FCHSD2: variants seen among roughly 807,000 people sequenced by gnomAD.
The protein encoded by FCHSD2 is F-BAR and double SH3 domains protein 2.
In FCHSD2, 38 loss-of-function variants were observed where a neutral mutation model predicts 108.1. The ratio of observed to expected loss-of-function variants is 0.35; its 90% CI spans 0.27 to 0.46. The LOEUF is 0.46. Among genes scored for constraint, FCHSD2 ranks in the 20% least tolerant of loss-of-function variants. FCHSD2 has a pLI of 1.00. For missense variants in FCHSD2, 751 were observed against 897.8 expected (o/e 0.84, Z 2.09); for synonymous variants, 279 against 314.7 (o/e 0.89, Z 1.20).
In FCHSD2 at chr11:73,068,776, C is replaced by T. The variant is rs1001275517; in HGVS notation, c.165+14919G>A. ...CTTGAGCCCAGGAGTTCAAAACCAG[C>T]CTGGGCAACATAGTGAGACCTCATC... On this transcript the variant is annotated intron_variant, in intron 3 of 19. Coordinates refer to ENST00000409418, the MANE Select transcript of FCHSD2 (RefSeq NM_014824.3). Among the ~76,000 whole-genome samples the T allele has an allele frequency of 2.2e-4, 31 of 142,724 alleles. 1 individual carries two copies. The highest frequency in any genetic ancestry group is 7.5e-4 in the African/African-American group (29 of 38,546). 93.6% of individuals were successfully genotyped at this position (142,724 alleles called of 152,430 possible).
intron 13 of FCHSD2, among the ~76,000 whole-genome samples, chr11:72,852,986 C>A (rs1258466026): frequency 6.6e-6 from 1 of 152,064 alleles, no homozygotes; most frequent in Non-Finnish European, 1.5e-5. Context: ...CTGGGGCCTA[C>A]TTGAAGGCAG....
intron 12 of FCHSD2, among the ~76,000 whole-genome samples, chr11:72,870,161 C>A (rs1003557976): frequency 6.6e-6 from 1 of 152,132 alleles, no homozygotes; most frequent in African/African-American, 2.4e-5. Flanking sequence ...TCAAATATTA[C>A]CCTTTCCACA....
intron 8 of FCHSD2, among the ~76,000 whole-genome samples, chr11:72,964,243 A>G (rs1272314926): frequency 6.6e-6 from 1 of 152,242 alleles, no homozygotes; most frequent in East Asian, 1.9e-4. Context: ...ATGTACAGGA[A>G]AATGAACAAC....
chr11:72,906,228 T>C (rs1018517706), intron 9 of FCHSD2, among the ~76,000 whole-genome samples: 9 of 152,252 alleles, frequency 5.9e-5, no homozygotes, highest in African/African-American at 2.2e-4. Flanking sequence ...AAATGTCTTC[T>C]TTTGAGAAGT....
intron 2 of FCHSD2, among the ~76,000 whole-genome samples, chr11:73,125,934 C>T (rs532816971): frequency 1.9e-4 from 29 of 152,220 alleles, no homozygotes; most frequent in African/African-American, 6.3e-4. Flanking sequence ...CATTTCACAA[C>T]AGAAACAATG....
At chr11:73,036,351 T>G (rs1273719317) in intron 3 of FCHSD2, among the ~76,000 whole-genome samples, 1 of 151,880 alleles carries the variant, frequency 6.6e-6, no homozygotes. Context: ...AGCTTCATAA[T>G]CACTATTTTG....
At chr11:73,015,733 T>G (rs1038623004) in intron 4 of FCHSD2, 76 bp downstream of exon 4, 1 of 777,240 alleles carries the variant, frequency 1.3e-6, no homozygotes, top group African/African-American at 1.8e-5. Context: ...AAAACTAGAG[T>G]GTTACATTAT....
chr11:72,907,171 G>T (rs1855647067), intron 9 of FCHSD2, among the ~76,000 whole-genome samples: 1 of 152,110 alleles, frequency 6.6e-6, no homozygotes, highest in Non-Finnish European at 1.5e-5. Context: ...TGTGATTTTT[G>T]CACATTAATT....
intron 14 of FCHSD2, among the ~76,000 whole-genome samples, chr11:72,845,646 T>C (rs1414146385): frequency 1.3e-5 from 2 of 152,156 alleles, no homozygotes; most frequent in East Asian, 3.8e-4. Context: ...TTGGTCCCTG[T>C]GGGCCTCTTG....
Position 72,875,064 on chromosome 11 carries a change from T to C in FCHSD2, c.1147-7038A>G, listed in dbSNP as rs1854939281. 2.6e-5 allele frequency among the ~76,000 whole-genome samples: 4 copies of C among 152,214 alleles called. No individual in the cohort carries two copies. The South Asian group carries it at 6.2e-4, about 24-fold the overall frequency. ...CATTTAACATAAACACATATAAGTG[T>C]AAAGCTATAGTTGAATTTCAAGTCT... is the stretch of plus-strand genomic sequence containing the variant. On this transcript the variant is annotated intron_variant, in intron 12 of 19. Coordinates refer to ENST00000409418, the MANE Select transcript of FCHSD2 (RefSeq NM_014824.3).
chr11:72,938,186 T>G (rs527400247), intron 8 of FCHSD2, among the ~76,000 whole-genome samples: 54,981 of 146,958 alleles, frequency 0.37, 11,194 homozygotes, highest in Non-Finnish European at 0.48. Context: ...GTTTTTTTTT[T>G]TTTTTTTTTT....
At chr11:72,917,916 C>T (rs552957965) in intron 9 of FCHSD2, among the ~76,000 whole-genome samples, 8 of 151,828 alleles carry the variant, frequency 5.3e-5, no homozygotes, top group African/African-American at 1.7e-4. Context: ...AATTGAGGAC[C>T]GGCTTTTCCA....
intron 3 of FCHSD2, among the ~76,000 whole-genome samples, chr11:73,080,293 T>C (rs1219043439): frequency 8.7e-6 from 1 of 115,200 alleles, no homozygotes; most frequent in Non-Finnish European, 1.7e-5. Flanking sequence ...CAAGACCCTG[T>C]CTCAAAAAAA....
chr11:72,965,002 G>C (rs1255159141), intron 8 of FCHSD2, among the ~76,000 whole-genome samples: 1 of 151,956 alleles, frequency 6.6e-6, no homozygotes, highest in Non-Finnish European at 1.5e-5. Flanking sequence ...TGTTAGCCAG[G>C]ATGGTCTCAA....
Position 72,989,108 on chromosome 11 carries a change from C to A in FCHSD2, c.388-11G>T. The stretch of plus-strand genomic sequence containing the variant: ...CAACTGGTCCACACACTGTAAAATA[C>A]AAAAGTACAATCATTATGATTTTAG... On this transcript the variant is annotated splice_polypyrimidine_tract_variant and intron_variant, in intron 5 of 19. Coordinates refer to ENST00000409418, the MANE Select transcript of FCHSD2 (RefSeq NM_014824.3). The A allele has an allele frequency of 6.3e-7, 1 of 1,595,772 alleles. No homozygotes were observed. The highest frequency in any genetic ancestry group is 1.1e-5 in the South Asian group (1 of 89,248).
At chr11:72,923,831 T>A (rs930624475) in intron 8 of FCHSD2, among the ~76,000 whole-genome samples, 1 of 152,140 alleles carries the variant, frequency 6.6e-6, no homozygotes, top group Admixed American at 6.6e-5. Context: ...CCCAGCTACT[T>A]GGCAGGCTGA....
intron 2 of FCHSD2, among the ~76,000 whole-genome samples, chr11:73,134,249 T>A (rs1305305268): frequency 1.3e-5 from 2 of 151,904 alleles, no homozygotes; most frequent in Non-Finnish European, 2.9e-5. Flanking sequence ...GGTGGGAGGA[T>A]CACTTGAGCC....
chr11:73,127,769 A>G (rs1860892935), intron 2 of FCHSD2, among the ~76,000 whole-genome samples: 1 of 151,726 alleles, frequency 6.6e-6, no homozygotes, highest in Admixed American at 6.6e-5. Context: ...TAGGCACTTC[A>G]CTAATGCCTT....
intron 8 of FCHSD2, among the ~76,000 whole-genome samples, chr11:72,928,165 CT>C (rs1398818552): frequency 1.0e-4 from 15 of 145,846 alleles, no homozygotes; most frequent in East Asian, 4.0e-4. Context: ...ATTATACTGC[CT>C]TTTTTTTTTC....
Sources: gnomAD v4.1 joint callset for allele counts (sites outside exome capture counted in the v4.1 genomes callset) on GRCh38, gnomAD v4.1.1 for gene constraint, MANE v1.5 for transcripts, NCBI Gene and HGNC (gene_info 2026-07-23, HGNC 2026-07-21) for gene names.